Variants in RXFP2 observed in about 807,000 individuals in gnomAD.
RXFP2 encodes the protein relaxin family peptide receptor 2.
A neutral mutation model predicts 88.6 loss-of-function variants in RXFP2; 68 were observed. That is an observed-to-expected ratio of 0.77 (90% CI 0.63 to 0.94). The LOEUF is 0.94. RXFP2 is among the 40% of genes least tolerant of loss of function. The pLI is 0.00. For synonymous variants in RXFP2, 329 were observed against 306.8 expected (o/e 1.07, Z -0.76); for missense variants, 791 against 893.9 (o/e 0.88, Z 1.47).
chr13:31,754,222 G>C (rs1226412358), intron 1 of RXFP2, among the ~76,000 whole-genome samples: 1 of 152,160 alleles, frequency 6.6e-6, no homozygotes, highest in African/African-American at 2.4e-5. Flanking sequence ...CATTTAGTTA[G>C]GTCCAGCCCT....
chr13:31,742,569 A>C (rs951112808), intron 1 of RXFP2, among the ~76,000 whole-genome samples: 1 of 152,188 alleles, frequency 6.6e-6, no homozygotes, highest in Non-Finnish European at 1.5e-5. Flanking sequence ...TTATCTCTGA[A>C]GACGCCAGCT....
chr13:31,750,860 G>A (rs1476502681), intron 1 of RXFP2, among the ~76,000 whole-genome samples: 1 of 152,214 alleles, frequency 6.6e-6, no homozygotes. Flanking sequence ...TGACTTACTT[G>A]TATGGTTCTT....
At chr13:31,763,889 A>G (rs1181507280) in intron 3 of RXFP2, among the ~76,000 whole-genome samples, 1 of 152,318 alleles carries the variant, frequency 6.6e-6, no homozygotes, top group East Asian at 1.9e-4. Flanking sequence ...AAGTTGAGCT[A>G]ATTAACATAT....
chr13:31,801,004 G>C (rs1874309178), intron 17 of RXFP2, among the ~76,000 whole-genome samples: 1 of 151,728 alleles, frequency 6.6e-6, no homozygotes. Flanking sequence ...AGAGATCAAA[G>C]GAAAAGAAGA....
At chr13:31,794,443 A>G (rs1873935674) in intron 16 of RXFP2, among the ~76,000 whole-genome samples, 1 of 150,736 alleles carries the variant, frequency 6.6e-6, no homozygotes, top group Non-Finnish European at 1.5e-5. Context: ...GCATTTATTC[A>G]GCACTCACTA....
At chr13:31,768,555 A>G (rs979991682) in intron 5 of RXFP2, among the ~76,000 whole-genome samples, 2 of 152,180 alleles carry the variant, frequency 1.3e-5, no homozygotes, top group African/African-American at 2.4e-5. Flanking sequence ...CAAGTAATAG[A>G]GATTGGCCTC....
chr13:31,786,379 A>G lies in RXFP2; in HGVS notation c.930-4A>G, dbSNP rs1873539593. ...TTGCTTTGGGTTTTCATTGTCGTCA[A>G]CAGGGATCTGTCTAGCAATACGATA... On this transcript the variant is annotated splice_polypyrimidine_tract_variant and splice_region_variant and intron_variant, in intron 11 of 17. Transcript: ENST00000298386. 1 of 1,596,592 alleles carries G rather than the reference A, an allele frequency of 6.3e-7. No individual in the cohort carries two copies. The highest frequency in any genetic ancestry group is 8.6e-7 in the Non-Finnish European group (1 of 1,164,124).
intron 1 of RXFP2, among the ~76,000 whole-genome samples, chr13:31,749,892 G>C (rs957812651): frequency 6.6e-6 from 1 of 152,108 alleles, no homozygotes; most frequent in African/African-American, 2.4e-5. Context: ...AAGCCCTCCA[G>C]TACAACAATG....
chr13:31,774,820 A>G, intron 6 of RXFP2, 129 bp downstream of exon 6: 2 of 694,352 alleles, frequency 2.9e-6, no homozygotes, highest in Admixed American at 2.1e-5. Flanking sequence ...AAGTACTTAG[A>G]TTAGTTATTA....
At chr13:31,788,375 A>AG (rs911163511) in intron 13 of RXFP2, among the ~76,000 whole-genome samples, 14 of 152,286 alleles carry the variant, frequency 9.2e-5, no homozygotes, top group African/African-American at 3.4e-4. Flanking sequence ...TAAAAGCAAA[A>AG]GGCCTCTGTC....
rs2138477937 is a variant in RXFP2, at chr13:31,802,984, C to T, written c.*579C>T. On this transcript the variant is annotated 3_prime_UTR_variant, in exon 18 of 18. Transcript: ENST00000298386. ...CCAGGTTACCATGTCTAACCTATGA[C>T]CAGAGAGTCACACTGATGAAGCCTC... 6.4e-6 allele frequency: 1 copy of T among 155,500 alleles called. No individual in the cohort carries two copies. Among genetic ancestry groups the T allele is most frequent in the Non-Finnish European group, 1.4e-5 (1 of 70,048 alleles). The allele number at this position is 155,500 out of a possible 1,614,324, so 9.6% of individuals were successfully genotyped here. A position where few individuals can be genotyped will look rare whatever the true frequency, so the allele number is the denominator to read the frequency against.
At position 31,802,531 on chromosome 13, in the gene RXFP2, G is replaced by A. The variant is rs900173359; in HGVS notation, c.*126G>A. On this transcript the variant is annotated 3_prime_UTR_variant, in exon 18 of 18. Coordinates refer to ENST00000298386, the MANE Select transcript of RXFP2 (RefSeq NM_130806.5). ...GCCTTTCTGCACAGAGAGCACAGCA[G>A]AATGGCTCCTGTCACTGCATTCCAA... 11 of 1,026,986 alleles carry A rather than the reference G, an allele frequency of 1.1e-5. No individual in the cohort carries two copies. Among genetic ancestry groups the A allele is most frequent in the Non-Finnish European group, 1.1e-5 (7 of 662,382 alleles). The allele number at this position is 1,026,986 out of a possible 1,614,324, so 63.6% of individuals were successfully genotyped here. A position where few individuals can be genotyped will look rare whatever the true frequency, so the allele number is the denominator to read the frequency against.
At chr13:31,775,464 C>A in intron 7 of RXFP2, 75 bp downstream of exon 7, 1 of 1,074,228 alleles carries the variant, frequency 9.3e-7, no homozygotes, top group Non-Finnish European at 1.5e-6. Flanking sequence ...AATGTAGTTT[C>A]CACTATTTGA....
At chr13:31,777,688 T>C (rs936590218) in intron 8 of RXFP2, among the ~76,000 whole-genome samples, 14 of 152,190 alleles carry the variant, frequency 9.2e-5, no homozygotes, top group Admixed American at 3.9e-4. Context: ...TCTATCCCTT[T>C]TAATTTCCTT....
intron 1 of RXFP2, among the ~76,000 whole-genome samples, chr13:31,747,534 C>G (rs1871477403): frequency 6.6e-6 from 1 of 152,228 alleles, no homozygotes; most frequent in African/African-American, 2.4e-5. Context: ...GTGCTCTCCA[C>G]TCCTACATAT....
chr13:31,746,686 T>C (rs142639823), intron 1 of RXFP2, among the ~76,000 whole-genome samples: 1,978 of 152,196 alleles, frequency 0.013, 18 homozygotes, highest in Middle Eastern at 0.027. Context: ...AGACATTGAA[T>C]AGGTCATTGC....
intron 2 of RXFP2, among the ~76,000 whole-genome samples, chr13:31,759,375 G>GAGAAGGAAAGAAAGAA (rs1453244832): frequency 9.6e-4 from 22 of 22,994 alleles, no homozygotes; most frequent in African/African-American, 3.6e-3. Flanking sequence ...CATTTGGATT[G>GAGAAGGAAAGAAAGAA]AGAAAGAAAG....
intron 11 of RXFP2, among the ~76,000 whole-genome samples, chr13:31,784,684 A>G (rs962361348): frequency 6.6e-6 from 1 of 152,174 alleles, no homozygotes; most frequent in Non-Finnish European, 1.5e-5. Flanking sequence ...GTGTCATGAC[A>G]GCACCTCAAA....
At chr13:31,788,159 A>G (rs993224411) in intron 13 of RXFP2, among the ~76,000 whole-genome samples, 1 of 151,804 alleles carries the variant, frequency 6.6e-6, no homozygotes. Context: ...AAGGAAAATT[A>G]AACTTTTAGA....
Sources: allele counts gnomAD v4.1 joint callset (sites outside exome capture counted in the v4.1 genomes callset), GRCh38; gene constraint gnomAD v4.1.1; transcripts MANE v1.5; gene names NCBI Gene and HGNC (gene_info 2026-07-23, HGNC 2026-07-21).